The following NTN4 variants were observed in gnomAD, a reference collection of about 807,000 sequenced individuals.
The protein encoded by NTN4 is netrin 4.
A neutral mutation model predicts 73.6 loss-of-function variants in NTN4; 32 were observed. That is an observed-to-expected ratio of 0.44 (90% CI 0.33 to 0.58). The LOEUF (loss-of-function observed/expected upper bound fraction) is 0.58. NTN4 is among the 20% of genes least tolerant of loss of function. The pLI is 0.04. For synonymous variants in NTN4, 258 were observed against 287.5 expected (o/e 0.90, Z 1.04); for missense variants, 654 against 798.3 (o/e 0.82, Z 2.18).
intron 4 of NTN4, among the ~76,000 whole-genome samples, chr12:95,710,931 G>A (rs1294587124): frequency 6.6e-6 from 1 of 152,198 alleles, no homozygotes; most frequent in African/African-American, 2.4e-5. Context: ...TTGAACCCAG[G>A]AGGTGGAGGT....
At chr12:95,730,980 C>A (rs908702056) in intron 3 of NTN4, among the ~76,000 whole-genome samples, 2 of 152,144 alleles carry the variant, frequency 1.3e-5, no homozygotes, top group Non-Finnish European at 2.9e-5. Flanking sequence ...GATGGTAGAT[C>A]CAGAAATTCC....
chr12:95,721,597 T>A (rs1165728243), intron 3 of NTN4, among the ~76,000 whole-genome samples: 2 of 152,216 alleles, frequency 1.3e-5, no homozygotes, highest in African/African-American at 4.8e-5. Context: ...TTGCTCTTTG[T>A]GGATAGCACC....
chr12:95,733,143 T>C lies in NTN4; in HGVS notation c.864+4723A>G, dbSNP rs572287063. On this transcript the variant is annotated intron_variant, in intron 3 of 9. Coordinates refer to ENST00000343702, the MANE Select transcript of NTN4 (RefSeq NM_021229.4). ...CTCCATGTTATCCAGTGGATGATAA[T>C]TGAATAAAATAATGAAACATTCCAT... is the stretch of plus-strand genomic sequence containing the variant. 2.6e-5 allele frequency among the ~76,000 whole-genome samples: 4 copies of C among 152,388 alleles called. No individual in the cohort carries two copies. In the East Asian group the frequency reaches 7.7e-4, roughly 29 times the overall value.
chr12:95,720,967 C>T (rs530166422), intron 3 of NTN4, among the ~76,000 whole-genome samples: 1 of 152,298 alleles, frequency 6.6e-6, no homozygotes, highest in Admixed American at 6.5e-5. Flanking sequence ...TATTATTGCC[C>T]AGTTTCACAA....
chr12:95,720,375 C>G (rs2078638803), intron 3 of NTN4, among the ~76,000 whole-genome samples: 1 of 152,150 alleles, frequency 6.6e-6, no homozygotes, highest in African/African-American at 2.4e-5. Flanking sequence ...GGAGCCAATG[C>G]AAATTCCCTA....
chr12:95,701,656 C>T (rs749387076), intron 5 of NTN4, among the ~76,000 whole-genome samples: 4 of 152,100 alleles, frequency 2.6e-5, no homozygotes, highest in Non-Finnish European at 5.9e-5. Context: ...TGGTTCAGGG[C>T]CTCGTTTCTT....
At chr12:95,666,021 T>A (rs2078176869) in intron 8 of NTN4, 41 bp from the exon 9 acceptor site, 1 of 1,433,366 alleles carries the variant, frequency 7.0e-7, no homozygotes, top group East Asian at 2.3e-5. Flanking sequence ...TTTCATATTA[T>A]CATTTGAAGT....
At chr12:95,784,673 A>G (rs990815767) in intron 2 of NTN4, among the ~76,000 whole-genome samples, 1 of 152,180 alleles carries the variant, frequency 6.6e-6, no homozygotes, top group Admixed American at 6.5e-5. Context: ...AGGCTGAGGC[A>G]GGAGAATTGC....
rs76739505 is a variant in NTN4 at position 95,785,702 on chromosome 12, G to A, written c.585+1237C>T. On this transcript the variant is annotated intron_variant, in intron 2 of 9. Transcript: ENST00000343702. ...CCACACCAAAAGCAGAATTAGTAGC[G>A]TTGAATACAGTGCCTGAGGGGGTCA... Among the ~76,000 whole-genome samples, 821 of 152,302 alleles carry A rather than the reference G, an allele frequency of 5.4e-3. 7 individuals are homozygous for A. Among genetic ancestry groups the A allele is most frequent in the African/African-American group, 0.018 (758 of 41,560 alleles).
chr12:95,770,959 A>G (rs184643466), intron 2 of NTN4, among the ~76,000 whole-genome samples: 1 of 151,448 alleles, frequency 6.6e-6, no homozygotes, highest in East Asian at 1.9e-4. Flanking sequence ...TTGTTTGCTC[A>G]TTAGCAAGAT....
intron 2 of NTN4, among the ~76,000 whole-genome samples, chr12:95,784,418 G>A (rs560196603): frequency 3.3e-5 from 5 of 152,142 alleles, no homozygotes; most frequent in Non-Finnish European, 7.3e-5. Context: ...CTTTACACTT[G>A]CAAATAATGC....
intron 2 of NTN4, among the ~76,000 whole-genome samples, chr12:95,753,643 C>T (rs1174997717): frequency 5.3e-5 from 8 of 151,324 alleles, no homozygotes; most frequent in Admixed American, 1.3e-4. Flanking sequence ...ATATCCCTTA[C>T]GGTCCTCCGT....
In NTN4 at chr12:95,713,306, T is replaced by C. The variant is rs1219598591; in HGVS notation, c.897A>G (p.Thr299=). 1.3e-5 allele frequency: 21 copies of C among 1,610,596 alleles called. No homozygotes were observed. The highest frequency in any genetic ancestry group is 1.8e-5 in the Non-Finnish European group (21 of 1,177,256). ...VHGKCMCKHN[T]AGSHCQHCAP... is the part of the protein sequence containing the mutation. ...CACAGTGCTGGCAGTGGCTGCCTGC[T>C]GTGTTGTGCTTACACATACACTTCC... Residue 299 remains threonine (T), a synonymous_variant, in exon 4 of 10, where the codon ACA becomes ACG. Transcript: ENST00000343702.
At chr12:95,673,673 T>C (rs2078251720) in intron 7 of NTN4, 1 of 152,338 alleles carries the variant, frequency 6.6e-6, no homozygotes, top group African/African-American at 2.4e-5. Flanking sequence ...AAAACCATAA[T>C]CCTTCTCGGA....
At chr12:95,669,709 G>A (rs1043661816) in intron 8 of NTN4, among the ~76,000 whole-genome samples, 2 of 152,116 alleles carry the variant, frequency 1.3e-5, no homozygotes, top group African/African-American at 2.4e-5. Context: ...ATTACTGTAC[G>A]ACAAACGAAC....
Position 95,734,085 on chromosome 12 carries a change from A to AG in NTN4, c.864+3780_864+3781insC, listed in dbSNP as rs1209493478. Among the ~76,000 whole-genome samples the AG allele has an allele frequency of 5.9e-5, 9 of 151,906 alleles. No homozygotes were observed. In the East Asian group the frequency reaches 1.5e-3, roughly 26 times the overall value. Reference sequence around the variant, plus strand: ...ACTCCATTTCAAAAAAAAAAAAAAAAAAAAAGGAATGTATTAAGGTAAATG... The same window carrying AG: ...ACTCCATTTCAAAAAAAAAAAAAAAAGAAAAAGGAATGTATTAAGGTAAATG... On this transcript the variant is annotated intron_variant, in intron 3 of 9. Coordinates refer to ENST00000343702, the MANE Select transcript of NTN4 (RefSeq NM_021229.4).
chr12:95,659,789 G>C (rs2078122185), intron 9 of NTN4, among the ~76,000 whole-genome samples: 1 of 152,190 alleles, frequency 6.6e-6, no homozygotes, highest in South Asian at 2.1e-4. Context: ...CTGAGGCTCA[G>C]CAAGGCTAAG....
At chr12:95,675,497 A>T (rs901111396) in intron 7 of NTN4, among the ~76,000 whole-genome samples, 1 of 152,210 alleles carries the variant, frequency 6.6e-6, no homozygotes, top group Non-Finnish European at 1.5e-5. Context: ...GAAAATTATC[A>T]CAGACATTCT....
chr12:95,676,157 G>T (rs146789724), intron 7 of NTN4, among the ~76,000 whole-genome samples: 1 of 152,128 alleles, frequency 6.6e-6, no homozygotes, highest in Non-Finnish European at 1.5e-5. Flanking sequence ...AGGCTGGAGT[G>T]CAGTAGCCTG....
Sources: gnomAD v4.1 joint callset for allele counts (sites outside exome capture counted in the v4.1 genomes callset) on GRCh38, gnomAD v4.1.1 for gene constraint, MANE v1.5 for transcripts, NCBI Gene and HGNC (gene_info 2026-07-23, HGNC 2026-07-21) for gene names.